Variants in STPG2 observed in about 807,000 individuals in gnomAD.
STPG2 encodes the protein sperm-tail PG-rich repeat-containing protein 2.
In STPG2, 56 loss-of-function variants were observed where a neutral mutation model predicts 54.2. The ratio of observed to expected loss-of-function variants is 1.03; its 90% CI spans 0.83 to 1.29. The LOEUF (loss-of-function observed/expected upper bound fraction) is 1.29, where lower values mean the gene tolerates loss of function less well. Ranked by LOEUF, STPG2 falls within the 50% of genes most tolerant of loss-of-function variation. The pLI is 0.00. For synonymous variants in STPG2, 200 were observed against 181.8 expected (o/e 1.10, Z -0.81); for missense variants, 596 against 544.9 (o/e 1.09, Z -0.93).
chr4:98,037,110 C>A (rs1410845599), intron 5 of STPG2, among the ~76,000 whole-genome samples: 1 of 151,916 alleles, frequency 6.6e-6, no homozygotes, highest in East Asian at 1.9e-4. Context: ...TCTAATAATT[C>A]TTCAAGGAAG....
chr4:97,862,803 C>T (rs569750719), intron 8 of STPG2, among the ~76,000 whole-genome samples: 8 of 152,182 alleles, frequency 5.3e-5, no homozygotes, highest in Admixed American at 2.0e-4. Flanking sequence ...CACTCAAAAC[C>T]ACTCAACTAC....
At chr4:97,506,897 A>G (rs1730855738) in intron 4 of STPG2, among the ~76,000 whole-genome samples, 1 of 152,078 alleles carries the variant, frequency 6.6e-6, no homozygotes, top group Non-Finnish European at 1.5e-5. Flanking sequence ...AAAATAATAC[A>G]AAGGAGAATG....
At chr4:97,634,397 C>A (rs925075102) in intron 10 of STPG2, among the ~76,000 whole-genome samples, 1 of 152,140 alleles carries the variant, frequency 6.6e-6, no homozygotes, top group Non-Finnish European at 1.5e-5. Flanking sequence ...GGGGAAAAAA[C>A]AGAACAGAAA....
intron 10 of STPG2, among the ~76,000 whole-genome samples, chr4:97,688,356 G>T (rs1338606412): frequency 6.6e-6 from 1 of 151,944 alleles, no homozygotes; most frequent in African/African-American, 2.4e-5. Context: ...TGATAATGAT[G>T]CCAAGGTTTT....
intron 8 of STPG2, among the ~76,000 whole-genome samples, chr4:97,849,175 T>A (rs1347577399): frequency 6.7e-6 from 1 of 149,030 alleles, no homozygotes. Context: ...TTTTATTTCC[T>A]TGAGCAGTGG....
intron 4 of STPG2, among the ~76,000 whole-genome samples, chr4:97,501,181 G>A (rs1351159571): frequency 6.6e-6 from 1 of 152,014 alleles, no homozygotes; most frequent in Admixed American, 6.6e-5. Flanking sequence ...AAAATATTTA[G>A]ATCAAAATAT....
chr4:97,921,701 G>A (rs1446403238), intron 8 of STPG2, among the ~76,000 whole-genome samples: 1 of 152,124 alleles, frequency 6.6e-6, no homozygotes, highest in African/African-American at 2.4e-5. Context: ...GAGAAAAAAA[G>A]GATAGAAAAG....
At chr4:97,733,362 C>A (rs995460933) in intron 9 of STPG2, among the ~76,000 whole-genome samples, 1 of 151,948 alleles carries the variant, frequency 6.6e-6, no homozygotes, top group Non-Finnish European at 1.5e-5. Flanking sequence ...ATCATATATT[C>A]TCACTTACAA....
intron 1 of STPG2, among the ~76,000 whole-genome samples, chr4:98,139,470 A>G (rs1174727055): frequency 6.6e-6 from 1 of 152,214 alleles, no homozygotes. Flanking sequence ...ATCATACTCC[A>G]TAAAATGAAC....
intron 9 of STPG2, among the ~76,000 whole-genome samples, chr4:97,818,391 C>T (rs1322053769): frequency 1.3e-5 from 2 of 151,690 alleles, no homozygotes; most frequent in Admixed American, 6.6e-5. Flanking sequence ...ACAATAGTAA[C>T]TAATCATAAA....
intron 4 of STPG2, among the ~76,000 whole-genome samples, chr4:97,532,750 C>T (rs1174232743): frequency 6.6e-6 from 1 of 152,008 alleles, no homozygotes; most frequent in East Asian, 1.9e-4. Context: ...GCTTATCCTA[C>T]TAAAACAATG....
At chr4:98,051,789 A>C (rs1443207164) in intron 5 of STPG2, among the ~76,000 whole-genome samples, 1 of 152,012 alleles carries the variant, frequency 6.6e-6, no homozygotes, top group Non-Finnish European at 1.5e-5. Context: ...TAGAGGAACA[A>C]AAGCTCTGGC....
intron 10 of STPG2, among the ~76,000 whole-genome samples, chr4:97,560,874 A>G (rs1401720987): frequency 6.6e-6 from 1 of 152,226 alleles, no homozygotes; most frequent in Admixed American, 6.5e-5. Context: ...TGTTTGACTC[A>G]TTCTTGTCAT....
intron 7 of STPG2, among the ~76,000 whole-genome samples, chr4:97,959,560 G>A (rs762208368): frequency 2.6e-5 from 4 of 151,970 alleles, no homozygotes; most frequent in African/African-American, 4.8e-5. Context: ...GATCATTCAA[G>A]GCTACTATGA....
chr4:97,554,875 A>G (rs924180377), downstream of STPG2, among the ~76,000 whole-genome samples: 18 of 152,186 alleles, frequency 1.2e-4, no homozygotes, highest in African/African-American at 4.3e-4. Context: ...ACCCTAAAGT[A>G]TGACTGTAAG....
intron 5 of STPG2, among the ~76,000 whole-genome samples, chr4:98,050,655 A>T (rs1354323092): frequency 6.6e-6 from 1 of 152,192 alleles, no homozygotes; most frequent in Non-Finnish European, 1.5e-5. Context: ...AGATCTGCTA[A>T]AAGACAATCA....
intron 9 of STPG2, among the ~76,000 whole-genome samples, chr4:97,773,886 A>G (rs1726292457): frequency 1.3e-5 from 2 of 152,078 alleles, no homozygotes; most frequent in Admixed American, 1.3e-4. Flanking sequence ...ATGACGATAC[A>G]TGCCTGTAGT....
At chr4:97,941,453 T>C (rs1732981855) in intron 8 of STPG2, among the ~76,000 whole-genome samples, 1 of 152,128 alleles carries the variant, frequency 6.6e-6, no homozygotes, top group Non-Finnish European at 1.5e-5. Flanking sequence ...ATGTTTTGTT[T>C]ATGTTCATCC....
chr4:97,769,595 G>A (rs1393406524), intron 9 of STPG2, among the ~76,000 whole-genome samples: 1 of 151,650 alleles, frequency 6.6e-6, no homozygotes, highest in Non-Finnish European at 1.5e-5. Flanking sequence ...AAGCACTAAA[G>A]GAGCCTACCC....
Sources: gnomAD v4.1 joint callset for allele counts (sites outside exome capture counted in the v4.1 genomes callset) on GRCh38, gnomAD v4.1.1 for gene constraint, MANE v1.5 for transcripts, NCBI Gene and HGNC (gene_info 2026-07-23, HGNC 2026-07-21) for gene names.